PPARGC1A: variants seen among roughly 807,000 people sequenced by gnomAD.
PPARGC1A encodes peroxisome proliferator-activated receptor gamma coactivator 1-alpha.
Under a neutral mutation model 88.7 loss-of-function variants are expected in PPARGC1A, and 25 were observed. That is an observed-to-expected ratio of 0.28 (90% CI 0.21 to 0.39). PPARGC1A has a LOEUF of 0.39. Among genes scored for constraint, PPARGC1A ranks in the 10% least tolerant of loss-of-function variants. PPARGC1A has a pLI of 1.00. For synonymous variants in PPARGC1A, 363 were observed against 355.6 expected (o/e 1.02, Z -0.24); for missense variants, 880 against 968.7 (o/e 0.91, Z 1.22).
chr4:24,012,015 T>A, the PPARGC1A span, among the ~76,000 whole-genome samples: 2 of 152,188 alleles, frequency 1.3e-5, no homozygotes, highest in Non-Finnish European at 2.9e-5. Flanking sequence ...AATCTCTTGC[T>A]ACCTAAAATA....
the PPARGC1A span, among the ~76,000 whole-genome samples, chr4:24,288,419 T>C: frequency 5.9e-5 from 9 of 152,198 alleles, no homozygotes; most frequent in Non-Finnish European, 1.2e-4. Flanking sequence ...TTACAAAGTC[T>C]GTAACAGGCA....
chr4:24,210,521 GTGTTT>G, the PPARGC1A span, among the ~76,000 whole-genome samples: 1 of 152,182 alleles, frequency 6.6e-6, no homozygotes, highest in East Asian at 1.9e-4. Context: ...AATCAGCATA[GTGTTT>G]TGTTATTTTT....
chr4:24,350,997 T>TG, the PPARGC1A span, among the ~76,000 whole-genome samples: 1 of 151,414 alleles, frequency 6.6e-6, no homozygotes, highest in Non-Finnish European at 1.5e-5. Flanking sequence ...TTTAATTACC[T>TG]GGGGGGTGGA....
chr4:24,421,671 G>A, the PPARGC1A span, among the ~76,000 whole-genome samples: 1 of 152,246 alleles, frequency 6.6e-6, no homozygotes, highest in South Asian at 2.1e-4. Flanking sequence ...CCACGCAACA[G>A]CCCCTGCTGT....
chr4:24,022,273 T>C, the PPARGC1A span, among the ~76,000 whole-genome samples: 1 of 152,134 alleles, frequency 6.6e-6, no homozygotes, highest in South Asian at 2.1e-4. Context: ...GTTGCTTTTT[T>C]TGTCAGTCTC....
the PPARGC1A span, among the ~76,000 whole-genome samples, chr4:24,148,698 C>A: frequency 6.6e-6 from 1 of 152,184 alleles, no homozygotes; most frequent in Admixed American, 6.6e-5. Flanking sequence ...CTGGTGCCTA[C>A]GTGTCTGTGA....
chr4:24,091,061 C>T, the PPARGC1A span, among the ~76,000 whole-genome samples: 108 of 152,290 alleles, frequency 7.1e-4, no homozygotes, highest in East Asian at 0.02. Context: ...TAAAACCAAG[C>T]CCCTATTCTA....
At chr4:23,976,666 A>G in the PPARGC1A span, among the ~76,000 whole-genome samples, 165 of 152,290 alleles carry the variant, frequency 1.1e-3, 1 homozygote, top group Admixed American at 3.5e-3. Flanking sequence ...AACAGTATCC[A>G]TAAGATGAGA....
chr4:24,291,533 C>T, the PPARGC1A span, among the ~76,000 whole-genome samples: 4 of 152,260 alleles, frequency 2.6e-5, no homozygotes, highest in South Asian at 2.1e-4. Context: ...TTAATCTTCA[C>T]GAAAATCCCA....
the PPARGC1A span, among the ~76,000 whole-genome samples, chr4:24,452,894 G>C: frequency 9.9e-5 from 15 of 152,180 alleles, no homozygotes; most frequent in Non-Finnish European, 2.2e-4. Context: ...GTGTAAGGAG[G>C]TTGTTACTGG....
At chr4:23,809,778 C>T (rs538275162) in intron 10 of PPARGC1A, among the ~76,000 whole-genome samples, 21 of 152,182 alleles carry the variant, frequency 1.4e-4, no homozygotes, top group Non-Finnish European at 2.6e-4. Flanking sequence ...ATCAAATTAA[C>T]CGTGTGGCTA....
At chr4:23,866,929 C>A (rs576626746) in intron 2 of PPARGC1A, among the ~76,000 whole-genome samples, 1 of 152,068 alleles carries the variant, frequency 6.6e-6, no homozygotes, top group African/African-American at 2.4e-5. Flanking sequence ...CATTGAACTG[C>A]GGAGTGCAAT....
the PPARGC1A span, among the ~76,000 whole-genome samples, chr4:24,075,448 G>A: frequency 1.3e-5 from 2 of 152,116 alleles, no homozygotes; most frequent in African/African-American, 2.4e-5. Flanking sequence ...TTATTCTATG[G>A]ATATTTGGAA....
At chr4:23,935,257 T>C in the PPARGC1A span, among the ~76,000 whole-genome samples, 2 of 152,204 alleles carry the variant, frequency 1.3e-5, no homozygotes, top group Non-Finnish European at 2.9e-5. Context: ...CCAGTAAGTT[T>C]CCTAAGAGCC....
chr4:24,266,521 A>G, the PPARGC1A span, among the ~76,000 whole-genome samples: 1 of 152,120 alleles, frequency 6.6e-6, no homozygotes, highest in Non-Finnish European at 1.5e-5. Flanking sequence ...CTCTGCTGTC[A>G]AGGAACTTAC....
At chr4:24,289,855 C>G in the PPARGC1A span, among the ~76,000 whole-genome samples, 1 of 152,162 alleles carries the variant, frequency 6.6e-6, no homozygotes, top group Admixed American at 6.5e-5. Context: ...TGTTCTCACA[C>G]TGCTAATAAA....
the PPARGC1A span, among the ~76,000 whole-genome samples, chr4:24,022,807 C>A: frequency 5.9e-5 from 9 of 152,212 alleles, no homozygotes; most frequent in South Asian, 1.7e-3. Context: ...GATATGAACC[C>A]GAAGCAAGAA....
chr4:24,084,723 C>T, the PPARGC1A span, among the ~76,000 whole-genome samples: 6 of 152,150 alleles, frequency 3.9e-5, no homozygotes, highest in Admixed American at 6.5e-5. Context: ...TCAAACATTT[C>T]GTCCTCCTTG....
the PPARGC1A span, among the ~76,000 whole-genome samples, chr4:24,412,584 G>A: frequency 1.3e-5 from 2 of 152,106 alleles, no homozygotes; most frequent in Non-Finnish European, 2.9e-5. Flanking sequence ...GGGTTCAAGC[G>A]ATTCTCCTGC....
Sources: gnomAD v4.1 joint callset for allele counts (sites outside exome capture counted in the v4.1 genomes callset) on GRCh38, gnomAD v4.1.1 for gene constraint, MANE v1.5 for transcripts, NCBI Gene and HGNC (gene_info 2026-07-23, HGNC 2026-07-21) for gene names.